Variants in STPG2 observed in about 807,000 individuals in gnomAD.
STPG2 encodes the protein sperm-tail PG-rich repeat-containing protein 2.
A neutral mutation model predicts 54.2 loss-of-function variants in STPG2; 56 were observed. The observed-to-expected ratio is 1.03, with a 90% CI of 0.83 to 1.29. STPG2 has a LOEUF of 1.29. Ranked by LOEUF, STPG2 falls within the 50% of genes most tolerant of loss-of-function variation. The pLI, the probability that STPG2 is intolerant of heterozygous loss-of-function variation, is 0.00. For synonymous variants in STPG2, 200 were observed against 181.8 expected (o/e 1.10, Z -0.81); for missense variants, 596 against 544.9 (o/e 1.09, Z -0.93).
At chr4:97,880,974 A>G (rs1451882162) in intron 8 of STPG2, among the ~76,000 whole-genome samples, 4 of 152,088 alleles carry the variant, frequency 2.6e-5, no homozygotes. Flanking sequence ...ACTCTTAATG[A>G]GGAAAGGATT....
intron 7 of STPG2, among the ~76,000 whole-genome samples, chr4:97,967,446 C>G (rs1214947229): frequency 6.6e-6 from 1 of 152,052 alleles, no homozygotes; most frequent in Admixed American, 6.6e-5. Flanking sequence ...GTAGACATAT[C>G]AATGAGACAG....
intron 9 of STPG2, among the ~76,000 whole-genome samples, chr4:97,722,072 C>CT (rs1724467138): frequency 7.1e-6 from 1 of 141,398 alleles, no homozygotes; most frequent in African/African-American, 2.8e-5. Flanking sequence ...CTTTTTTTTT[C>CT]TTTTTAACAA....
chr4:97,538,626 T>C (rs1397692378), intron 4 of STPG2, among the ~76,000 whole-genome samples: 1 of 152,150 alleles, frequency 6.6e-6, no homozygotes, highest in East Asian at 1.9e-4. Flanking sequence ...CTACAGCATA[T>C]TATCCAGGAG....
intron 10 of STPG2, among the ~76,000 whole-genome samples, chr4:97,582,923 G>A (rs917397407): frequency 3.9e-5 from 6 of 152,020 alleles, no homozygotes; most frequent in African/African-American, 1.4e-4. Context: ...CCAAGAATGT[G>A]ACAATTTCCT....
intron 5 of STPG2, among the ~76,000 whole-genome samples, chr4:98,091,760 TTG>T (rs1261949423): frequency 6.6e-6 from 1 of 152,014 alleles, no homozygotes; most frequent in African/African-American, 2.4e-5. Flanking sequence ...GTGTTAAGCA[TTG>T]TGTGTATATA....
intron 5 of STPG2, among the ~76,000 whole-genome samples, chr4:98,033,441 T>C (rs977039356): frequency 2.0e-5 from 3 of 151,804 alleles, no homozygotes; most frequent in African/African-American, 7.3e-5. Flanking sequence ...TAACAAGTTC[T>C]GAAATTGAGG....
chr4:98,084,182 A>T (rs7696568), intron 5 of STPG2, among the ~76,000 whole-genome samples: 60,207 of 151,988 alleles, frequency 0.4, 12,169 homozygotes, highest in Middle Eastern at 0.46. Context: ...TTAGAATTTT[A>T]TATGAATGAA....
At chr4:97,789,349 A>T (rs1578565311) in intron 9 of STPG2, among the ~76,000 whole-genome samples, 1 of 152,208 alleles carries the variant, frequency 6.6e-6, no homozygotes, top group East Asian at 1.9e-4. Context: ...GAGAAATTAT[A>T]ACTAATATAG....
intron 8 of STPG2, among the ~76,000 whole-genome samples, chr4:97,849,135 T>C (rs1008681166): frequency 4.0e-5 from 6 of 150,210 alleles, no homozygotes; most frequent in African/African-American, 1.5e-4. Flanking sequence ...CCCATGAGCA[T>C]GGAATGTTCT....
intron 10 of STPG2, among the ~76,000 whole-genome samples, chr4:97,608,401 G>A (rs1024854968): frequency 2.0e-5 from 3 of 152,026 alleles, no homozygotes; most frequent in Non-Finnish European, 4.4e-5. Context: ...AGGTATAAGT[G>A]AGCTGAGCCC....
At chr4:97,828,981 C>A (rs543867783) in intron 9 of STPG2, among the ~76,000 whole-genome samples, 13 of 152,286 alleles carry the variant, frequency 8.5e-5, no homozygotes, top group Admixed American at 2.6e-4. Flanking sequence ...CCTGATGGCT[C>A]TGAGAGCAGC....
At chr4:97,736,165 T>C (rs1724982034) in intron 9 of STPG2, among the ~76,000 whole-genome samples, 1 of 152,212 alleles carries the variant, frequency 6.6e-6, no homozygotes, top group African/African-American at 2.4e-5. Context: ...AACTATCATA[T>C]GACCCAGCAA....
At chr4:97,588,636 T>C (rs1339190844) in intron 10 of STPG2, among the ~76,000 whole-genome samples, 5 of 152,058 alleles carry the variant, frequency 3.3e-5, no homozygotes, top group Non-Finnish European at 7.4e-5. Flanking sequence ...AGAATGTAAG[T>C]TGGAACACGA....
At chr4:98,050,920 G>T (rs1260691821) in intron 5 of STPG2, among the ~76,000 whole-genome samples, 1 of 151,914 alleles carries the variant, frequency 6.6e-6, no homozygotes, top group Non-Finnish European at 1.5e-5. Context: ...CAGGAGAATG[G>T]CATGAACCTG....
chr4:98,075,904 T>G (rs1490023518), intron 5 of STPG2, among the ~76,000 whole-genome samples: 1 of 152,180 alleles, frequency 6.6e-6, no homozygotes, highest in African/African-American at 2.4e-5. Context: ...GAGGGCACCT[T>G]TAAAATCTTC....
chr4:98,067,294 T>C (rs1422418283), intron 5 of STPG2, among the ~76,000 whole-genome samples: 1 of 152,158 alleles, frequency 6.6e-6, no homozygotes, highest in Non-Finnish European at 1.5e-5. Context: ...CTGAAACTCC[T>C]CAATGTAAAC....
chr4:98,020,309 C>T (rs1473208262), intron 5 of STPG2, among the ~76,000 whole-genome samples: 7 of 134,072 alleles, frequency 5.2e-5, no homozygotes, highest in African/African-American at 8.6e-5. Flanking sequence ...TGTTCATATG[C>T]TGGATTACAT....
chr4:97,937,101 G>C (rs1226698471), intron 8 of STPG2, among the ~76,000 whole-genome samples: 1 of 151,626 alleles, frequency 6.6e-6, no homozygotes, highest in African/African-American at 2.4e-5. Context: ...CTCTAAACTT[G>C]TCTGCCTGCC....
chr4:97,632,954 G>C (rs1270955950), intron 10 of STPG2, among the ~76,000 whole-genome samples: 2 of 152,066 alleles, frequency 1.3e-5, no homozygotes, highest in African/African-American at 4.8e-5. Flanking sequence ...TTTAGAAGGG[G>C]GATGGAAAGA....
Sources: gnomAD v4.1 joint callset for allele counts (sites outside exome capture counted in the v4.1 genomes callset) on GRCh38, gnomAD v4.1.1 for gene constraint, MANE v1.5 for transcripts, NCBI Gene and HGNC (gene_info 2026-07-23, HGNC 2026-07-21) for gene names.